The following PLXNA4 variants were observed in gnomAD, a reference collection of about 807,000 sequenced individuals.
The protein encoded by PLXNA4 is plexin A4, also known as plexin-A4.
PLXNA4 carries 44 observed loss-of-function variants against 191.8 expected under a neutral mutation model. The observed-to-expected ratio is 0.23, with a 90% CI of 0.18 to 0.29. The LOEUF (loss-of-function observed/expected upper bound fraction) is 0.29. Ranked by LOEUF, PLXNA4 falls within the 10% of genes least tolerant of loss-of-function variation. PLXNA4 has a pLI of 1.00. For synonymous variants in PLXNA4, 1,082 were observed against 1,009.5 expected (o/e 1.07, Z -1.36); for missense variants, 1,800 against 2,488.8 (o/e 0.72, Z 5.89).
Position 132,507,610 on chromosome 7 carries a change from G to T in PLXNA4, c.1084C>A (p.Gln362Lys), listed in dbSNP as rs773899067. The T allele has an allele frequency of 6.2e-7, 1 of 1,614,184 alleles. No homozygotes were observed. The change falls in exon 2 of 32, where the codon CAG becomes AAG. Residue 362 changes from glutamine to lysine, a missense_variant. Around this residue, in one of 6 missense-constraint regions of PLXNA4, gnomAD observed 1,397 missense variants for 1,880.4 expected, o/e 0.74. Coordinates refer to ENST00000321063, the MANE Select transcript of PLXNA4 (RefSeq NM_020911.2). Reference sequence around the variant, plus strand: ...CGCTCCTTAATGCGGTCATTTATCTGCTTCAAGATGAAGATGCACAGGGCC... The same window carrying T: ...CGCTCCTTAATGCGGTCATTTATCTTCTTCAAGATGAAGATGCACAGGGCC... ...ESALCIFILKQINDRIKERLQ... is the reference protein window; with the variant it reads ...ESALCIFILKKINDRIKERLQ...
chr7:132,179,771 A>T lies in PLXNA4; in HGVS notation c.3790T>A (p.Ser1264Thr). 1.2e-6 allele frequency: 2 copies of T among 1,614,036 alleles called. No individual in the cohort carries two copies. ...VAVLIAYKRK[S>T]RESDLTLKRL... is the part of the protein sequence containing the mutation. ...TTCAGCGTGAGGTCACTTTCGCGGGACTTGCGTTTATAGGCAATGAGCACG... is the reference window on the plus strand; with the variant it reads ...TTCAGCGTGAGGTCACTTTCGCGGGTCTTGCGTTTATAGGCAATGAGCACG... Residue 1264 changes from serine (S) to threonine (T), a missense_variant, in exon 20 of 32, where the codon TCC (serine) becomes ACC (threonine). Physicochemically the swap from Ser to Thr is moderately conservative, Grantham distance 58. Around this residue, in one of 6 missense-constraint regions of PLXNA4, gnomAD observed 1,397 missense variants for 1,880.4 expected, o/e 0.74. Coordinates refer to ENST00000321063, the MANE Select transcript of PLXNA4 (RefSeq NM_020911.2).
intron 3 of PLXNA4, among the ~76,000 whole-genome samples, chr7:132,419,726 A>C (rs745808334): frequency 2.0e-5 from 3 of 152,208 alleles, no homozygotes; most frequent in Non-Finnish European, 4.4e-5. Context: ...TGTAAAGGCC[A>C]GATAAGAAAT....
At chr7:132,384,898 C>T (rs1048146124) in intron 3 of PLXNA4, 2 of 1,217,772 alleles carry the variant, frequency 1.6e-6, no homozygotes, top group Middle Eastern at 3.5e-4. Flanking sequence ...CAGTTAGTTT[C>T]ACTGACATAT....
At chr7:132,573,124 C>T (rs1351489211) in intron 1 of PLXNA4, among the ~76,000 whole-genome samples, 2 of 151,882 alleles carry the variant, frequency 1.3e-5, no homozygotes, top group Non-Finnish European at 2.9e-5. Context: ...AGGGAGGTGT[C>T]AAGGGAGGGA....
chr7:132,468,556 G>A (rs567287048), intron 3 of PLXNA4, among the ~76,000 whole-genome samples: 9 of 152,202 alleles, frequency 5.9e-5, no homozygotes, highest in East Asian at 5.8e-4. Flanking sequence ...TGCTTCTATC[G>A]TCCCTTTTTA....
chr7:132,224,679 G>A (rs1410452684), intron 8 of PLXNA4, among the ~76,000 whole-genome samples: 2 of 152,186 alleles, frequency 1.3e-5, no homozygotes, highest in Admixed American at 6.5e-5. Flanking sequence ...GGAAAGTGGA[G>A]GGAGGGATTA....
intron 24 of PLXNA4, among the ~76,000 whole-genome samples, chr7:132,162,785 G>A (rs79879697): frequency 0.016 from 2,363 of 152,178 alleles, 27 homozygotes; most frequent in Middle Eastern, 0.048. Context: ...CTGTTCAGAC[G>A]TCTACTGGGA....
intron 30 of PLXNA4, among the ~76,000 whole-genome samples, chr7:132,136,854 T>G (rs1227296249): frequency 6.6e-6 from 1 of 152,172 alleles, no homozygotes; most frequent in East Asian, 1.9e-4. Flanking sequence ...ATTCCCAATA[T>G]GTACCTTTCA....
intron 2 of PLXNA4, among the ~76,000 whole-genome samples, chr7:132,623,912 T>A (rs1224076543): frequency 6.6e-6 from 1 of 152,208 alleles, no homozygotes; most frequent in Non-Finnish European, 1.5e-5. Context: ...AGTACCTGGC[T>A]TGGTATCCAT....
At chr7:132,296,689 T>C (rs1431454599) in intron 4 of PLXNA4, among the ~76,000 whole-genome samples, 1 of 152,098 alleles carries the variant, frequency 6.6e-6, no homozygotes, top group Non-Finnish European at 1.5e-5. Flanking sequence ...GAAGATCTTC[T>C]CCAGATGATT....
chr7:132,613,913 G>T (rs1032270100), intron 2 of PLXNA4, among the ~76,000 whole-genome samples: 5 of 152,192 alleles, frequency 3.3e-5, no homozygotes, highest in Non-Finnish European at 2.9e-5. Flanking sequence ...CTGCCTGTGG[G>T]CGTGGGGCTT....
intron 3 of PLXNA4, among the ~76,000 whole-genome samples, chr7:132,484,382 G>C (rs1797457532): frequency 6.6e-6 from 1 of 152,194 alleles, no homozygotes; most frequent in Non-Finnish European, 1.5e-5. Context: ...CACACCTGTG[G>C]GATCTTCTGC....
At position 132,474,072 on chromosome 7, in the gene PLXNA4, A is replaced by C. The variant is rs190332996; in HGVS notation, c.1371+15220T>G. 1.6e-3 allele frequency among the ~76,000 whole-genome samples: 246 copies of C among 151,362 alleles called. 2 individuals carry two copies. The highest frequency in any genetic ancestry group is 2.1e-3 in the Admixed American group (32 of 15,186). On this transcript the variant is annotated intron_variant, in intron 3 of 31. Coordinates refer to ENST00000321063, the MANE Select transcript of PLXNA4 (RefSeq NM_020911.2). ...CAAAACAAAACAAAACAAAACAAAA[A>C]AAAACAGGGCAATAAACACCTAGAA...
chr7:132,202,891 A>G (rs2116864436), intron 11 of PLXNA4, 55 bp from the exon 12 acceptor site: 1 of 1,449,530 alleles, frequency 6.9e-7, no homozygotes, highest in South Asian at 1.5e-5. Flanking sequence ...GTGGGGACAG[A>G]AGGGGCCCAG....
At chr7:132,629,065 G>T (rs1378985954) in intron 2 of PLXNA4, among the ~76,000 whole-genome samples, 1 of 152,166 alleles carries the variant, frequency 6.6e-6, no homozygotes, top group Non-Finnish European at 1.5e-5. Flanking sequence ...GATTGATCAG[G>T]TATGCCCAGG....
intron 3 of PLXNA4, among the ~76,000 whole-genome samples, chr7:132,449,227 C>T (rs931974195): frequency 1.3e-5 from 2 of 152,304 alleles, no homozygotes; most frequent in Middle Eastern, 3.4e-3. Context: ...GATGGCTTTG[C>T]TTCTTTCTCC....
intron 3 of PLXNA4, among the ~76,000 whole-genome samples, chr7:132,374,878 G>C (rs1406335948): frequency 6.6e-6 from 1 of 152,180 alleles, no homozygotes; most frequent in African/African-American, 2.4e-5. Flanking sequence ...GTATGTGAGG[G>C]GTAAGCCACC....
At position 132,140,751 on chromosome 7, in the gene PLXNA4, A is replaced by G. The variant is rs1276276216; in HGVS notation, c.5286T>C (p.His1762=). Residue 1762 remains histidine (H), a synonymous_variant, in exon 30 of 32, where the codon CAT becomes CAC. Transcript: ENST00000321063. ...IKNPQFVFDI[H]KNSITDACLS... ...GGCAGGCGTCTGTGATGCTGTTCTT[A>G]TGGATGTCAAACACAAACTGCGGGT... The G allele has an allele frequency of 1.2e-6, 2 of 1,613,944 alleles. No individual in the cohort carries two copies. The highest frequency in any genetic ancestry group is 1.7e-6 in the Non-Finnish European group (2 of 1,179,984).
At chr7:132,375,087 C>T (rs1363114024) in intron 3 of PLXNA4, among the ~76,000 whole-genome samples, 1 of 152,190 alleles carries the variant, frequency 6.6e-6, no homozygotes, top group Non-Finnish European at 1.5e-5. Flanking sequence ...GGCTGATGTC[C>T]CCATTTCATC....
Sources: gnomAD v4.1 joint callset for allele counts (sites outside exome capture counted in the v4.1 genomes callset) on GRCh38, gnomAD v4.1.1 for gene constraint, gnomAD v4.1.1 regional missense constraint, MANE v1.5 for transcripts, NCBI Gene and HGNC (gene_info 2026-07-23, HGNC 2026-07-21) for gene names.